DMD: variants seen among roughly 807,000 people sequenced by gnomAD.
DMD encodes the protein mutant dystrophin.
DMD carries 63 observed loss-of-function variants against 330.1 expected under a neutral mutation model. That is an observed-to-expected ratio of 0.19 (90% confidence interval 0.16 to 0.24). The LOEUF (loss-of-function observed/expected upper bound fraction) is 0.24. DMD is among the 10% of genes least tolerant of loss of function. DMD has a pLI of 1.00. For missense variants in DMD, 3,344 were observed against 2,684.1 expected (o/e 1.25, Z -5.43); for synonymous variants, 1,223 against 959.8 (o/e 1.27, Z -5.07).
chrX:32,546,945 GT>G (rs1297236857), intron 16 of DMD, among the ~76,000 whole-genome samples: 1 of 111,800 alleles, frequency 8.9e-6, no homozygotes, highest in Non-Finnish European at 1.9e-5. Flanking sequence ...AGAAAATGTA[GT>G]TTTTAGTAGG....
intron 4 of DMD, among the ~76,000 whole-genome samples, chrX:32,834,412 A>T (rs1455144835): frequency 8.9e-6 from 1 of 111,922 alleles, no homozygotes; most frequent in African/African-American, 3.2e-5. Context: ...CTGAATACTT[A>T]AAGGACACAT....
Position 31,252,628 on chromosome X carries a change from C to A in DMD, c.9286+8327G>T, listed in dbSNP as rs201499722. ...ATAGAAAATCCAGGTCATATGCCAC[C>A]TACTCTATAGCTGTGTGAGGATTAA... On this transcript the variant is annotated intron_variant, in intron 63 of 78. Coordinates refer to ENST00000357033, the MANE Select transcript of DMD (RefSeq NM_004006.3). 2.7e-5 allele frequency among the ~76,000 whole-genome samples: 3 copies of A among 112,250 alleles called. No homozygotes were observed. The East Asian group carries it at 8.3e-4, about 31-fold the overall frequency.
At chrX:32,253,625 CT>C (rs200535114) in intron 43 of DMD, among the ~76,000 whole-genome samples, 25,896 of 88,501 alleles carry the variant, frequency 0.29, 3,082 homozygotes, top group East Asian at 0.37. Flanking sequence ...TTGATTTAAT[CT>C]TTTTTTTTTT....
chrX:31,626,917 TATATC>T (rs920133443), intron 55 of DMD, among the ~76,000 whole-genome samples: 3 of 111,710 alleles, frequency 2.7e-5, no homozygotes, highest in African/African-American at 9.7e-5. Context: ...GTAAAGTTAT[TATATC>T]AAGTCAGAAA....
chrX:31,890,680 A>G (rs753910972), intron 47 of DMD, among the ~76,000 whole-genome samples: 14 of 111,606 alleles, frequency 1.3e-4, no homozygotes, highest in Non-Finnish European at 1.9e-4. Flanking sequence ...GTGTTCAAAT[A>G]TATATACCAA....
At chrX:31,396,344 A>G (rs2060936117) in intron 60 of DMD, among the ~76,000 whole-genome samples, 1 of 110,199 alleles carries the variant, frequency 9.1e-6, no homozygotes, top group Non-Finnish European at 1.9e-5. Context: ...TCACCGTGTT[A>G]GCCAGGATGG....
At chrX:33,006,932 C>T (rs1480436357) in intron 2 of DMD, among the ~76,000 whole-genome samples, 2 of 110,733 alleles carry the variant, frequency 1.8e-5, no homozygotes, top group Non-Finnish European at 3.8e-5. Context: ...TCCACTCTCT[C>T]AATCTCCATT....
chrX:31,436,416 A>T (rs1216734179), intron 60 of DMD, among the ~76,000 whole-genome samples: 2 of 110,508 alleles, frequency 1.8e-5, no homozygotes, highest in Non-Finnish European at 3.8e-5. Flanking sequence ...TTTTCATCAC[A>T]TTCTGTACAT....
chrX:31,695,704 T>C (rs1177052992), intron 52 of DMD, among the ~76,000 whole-genome samples: 1 of 111,346 alleles, frequency 9.0e-6, no homozygotes, highest in Non-Finnish European at 1.9e-5. Context: ...CTCATTTGTA[T>C]GTGCAGTTTA....
chrX:31,425,185 G>T (rs940807193), intron 60 of DMD, among the ~76,000 whole-genome samples: 19 of 111,792 alleles, frequency 1.7e-4, no homozygotes, highest in Non-Finnish European at 3.4e-4. Flanking sequence ...TACCTGAAGG[G>T]ACAGCTTGCA....
chrX:31,645,480 G>A (rs962369980), intron 54 of DMD, among the ~76,000 whole-genome samples: 1 of 112,223 alleles, frequency 8.9e-6, no homozygotes, highest in African/African-American at 3.2e-5. Flanking sequence ...TGTCTGAATA[G>A]AGTCAAAATT....
Position 32,520,864 on chromosome X carries a change from T to TC in DMD, c.2169-2734dup, listed in dbSNP as rs1350949119. Among the ~76,000 whole-genome samples the TC allele has an allele frequency of 4.6e-3, 454 of 97,698 alleles. 1 individual carries two copies. The highest frequency in any genetic ancestry group is 0.017 in the African/African-American group (434 of 25,286). 84.8% of individuals were successfully genotyped at this position (97,698 alleles called of 115,157 possible). ...CCATACTTTTTTTTTTTTTTTTTTT[T>TC]CCCAAGTTGGGCTCTAAGTCTCTAC... On this transcript the variant is annotated intron_variant, in intron 17 of 78. Transcript: ENST00000357033.
chrX:33,288,800 A>T (rs1366778598), intron 1 of DMD, among the ~76,000 whole-genome samples: 8 of 111,865 alleles, frequency 7.2e-5, no homozygotes, highest in Non-Finnish European at 1.5e-4. Flanking sequence ...ACCTTTCCAG[A>T]AAGGTCATTA....
chrX:31,223,215 C>T (rs972734655), intron 63 of DMD, 94 bp from the exon 64 acceptor site: 1 of 770,471 alleles, frequency 1.3e-6, no homozygotes, highest in African/African-American at 2.0e-5. Context: ...TAACTACAAC[C>T]ACCACAAAAA....
intron 1 of DMD, among the ~76,000 whole-genome samples, chrX:33,038,008 T>G (rs1008745406): frequency 8.9e-6 from 1 of 112,226 alleles, no homozygotes; most frequent in African/African-American, 3.2e-5. Context: ...CCCTTTAACT[T>G]TGCTAGACAC....
chrX:33,070,673 C>CTCTCTCTA (rs1192910156), intron 1 of DMD, among the ~76,000 whole-genome samples: 3 of 35,640 alleles, frequency 8.4e-5, no homozygotes, highest in African/African-American at 2.6e-4. Context: ...CTCTCTCTCT[C>CTCTCTCTA]TATATATATA....
At chrX:32,593,939 C>A (rs1021477039) in intron 13 of DMD, among the ~76,000 whole-genome samples, 1 of 112,204 alleles carries the variant, frequency 8.9e-6, no homozygotes, top group South Asian at 3.7e-4. Flanking sequence ...ACAAGCTGAA[C>A]CTTTGAGAGA....
At chrX:32,665,676 C>A (rs886500162) in intron 9 of DMD, among the ~76,000 whole-genome samples, 8 of 111,698 alleles carry the variant, frequency 7.2e-5, no homozygotes, top group Non-Finnish European at 1.5e-4. Flanking sequence ...CTCATAAGAA[C>A]ACGTCCAAGA....
At chrX:32,636,349 G>C (rs1370695217) in intron 11 of DMD, among the ~76,000 whole-genome samples, 1 of 111,774 alleles carries the variant, frequency 8.9e-6, no homozygotes, top group Non-Finnish European at 1.9e-5. Context: ...ACAGTAAATA[G>C]TTCAGAAAGA....
Sources: gnomAD v4.1 joint callset for allele counts (sites outside exome capture counted in the v4.1 genomes callset) on GRCh38, gnomAD v4.1.1 for gene constraint, MANE v1.5 for transcripts, NCBI Gene and HGNC (gene_info 2026-07-23, HGNC 2026-07-21) for gene names.